The following TENM2 variants were observed in gnomAD, a reference collection of about 807,000 sequenced individuals.
TENM2 encodes teneurin transmembrane protein 2, also known as teneurin-2.
Under a neutral mutation model 245.2 loss-of-function variants are expected in TENM2, and 52 were observed. The ratio of observed to expected loss-of-function variants is 0.21; its 90% CI spans 0.17 to 0.27. TENM2 has a LOEUF of 0.27. TENM2 is among the 10% of genes least tolerant of loss of function. TENM2 has a pLI of 1.00. For synonymous variants in TENM2, 1,363 were observed against 1,438.9 expected, an observed-to-expected ratio of 0.95 and a Z score of 1.19; for missense variants, 3,046 against 3,666.8, an observed-to-expected ratio of 0.83 and a Z score of 4.37.
chr5:167,556,223 T>C (rs1029442507), intron 2 of TENM2, among the ~76,000 whole-genome samples: 3 of 152,152 alleles, frequency 2.0e-5, no homozygotes, highest in Non-Finnish European at 4.4e-5. Context: ...CAAGTTTCTA[T>C]TTCAGACTGG....
At chr5:167,258,241 ATG>A in the TENM2 span, among the ~76,000 whole-genome samples, 1 of 144,668 alleles carries the variant, frequency 6.9e-6, no homozygotes, top group African/African-American at 2.5e-5. Flanking sequence ...ATATATATAT[ATG>A]TATATATATA....
chr5:167,680,144 T>C (rs1405512600), intron 2 of TENM2, among the ~76,000 whole-genome samples: 2 of 152,054 alleles, frequency 1.3e-5, no homozygotes, highest in Admixed American at 6.6e-5. Flanking sequence ...AATTCATCGC[T>C]CCATCTTCCA....
chr5:167,122,025 T>A, the TENM2 span, among the ~76,000 whole-genome samples: 1 of 152,216 alleles, frequency 6.6e-6, no homozygotes, highest in African/African-American at 2.4e-5. Context: ...TATAGCTATT[T>A]TTTTTCCAGA....
At chr5:167,635,832 G>T (rs1779173742) in intron 2 of TENM2, among the ~76,000 whole-genome samples, 1 of 151,484 alleles carries the variant, frequency 6.6e-6, no homozygotes, top group South Asian at 2.1e-4. Context: ...TTTTAGTAGA[G>T]ACGGGGTTTC....
chr5:167,868,736 T>TA (rs11345222), intron 2 of TENM2, among the ~76,000 whole-genome samples: 62,081 of 123,286 alleles, frequency 0.5, 18,627 homozygotes, highest in Non-Finnish European at 0.67. Context: ...AGATTCTGTC[T>TA]AAAAAAAAAA....
At chr5:167,898,331 T>C (rs531269674) in intron 3 of TENM2, among the ~76,000 whole-genome samples, 66 of 152,220 alleles carry the variant, frequency 4.3e-4, no homozygotes, top group African/African-American at 1.6e-3. Flanking sequence ...AAAGCTGTGG[T>C]TTAACCAGCT....
chr5:167,613,291 G>A (rs1345008091), intron 2 of TENM2, among the ~76,000 whole-genome samples: 1 of 152,088 alleles, frequency 6.6e-6, no homozygotes, highest in Non-Finnish European at 1.5e-5. Flanking sequence ...TTACTATGAG[G>A]ATAATCTGCA....
chr5:168,093,588 G>A (rs1300263883), intron 8 of TENM2, among the ~76,000 whole-genome samples: 2 of 152,104 alleles, frequency 1.3e-5, no homozygotes, highest in Non-Finnish European at 2.9e-5. Flanking sequence ...TTTGACTCAG[G>A]GAAGTCTTTT....
chr5:168,062,386 T>C (rs2152096551), intron 7 of TENM2, 121 bp downstream of exon 9: 2 of 816,538 alleles, frequency 2.4e-6, no homozygotes, highest in Middle Eastern at 3.0e-4. Context: ...ACAATAAAAA[T>C]GTTGGCGAGA....
chr5:168,018,578 C>T (rs1785867246), intron 5 of TENM2, among the ~76,000 whole-genome samples: 1 of 151,704 alleles, frequency 6.6e-6, no homozygotes, highest in African/African-American at 2.4e-5. Flanking sequence ...CAGACTCCTG[C>T]CCAGGAAGTC....
At chr5:167,059,216 C>T in the TENM2 span, among the ~76,000 whole-genome samples, 5 of 152,178 alleles carry the variant, frequency 3.3e-5, no homozygotes, top group African/African-American at 1.2e-4. Flanking sequence ...ACAAAACTCA[C>T]TTTAATAAAA....
chr5:167,348,578 T>A (rs1758621750), intron 1 of TENM2, among the ~76,000 whole-genome samples: 1 of 152,186 alleles, frequency 6.6e-6, no homozygotes, highest in South Asian at 2.1e-4. Context: ...TTAATCAAAC[T>A]GTTTCAGTCT....
chr5:167,258,857 A>G, the TENM2 span, among the ~76,000 whole-genome samples: 4 of 152,280 alleles, frequency 2.6e-5, no homozygotes, highest in East Asian at 7.8e-4. Context: ...ATAATGCTAC[A>G]GTTCACAATG....
At chr5:167,871,964 A>C (rs2151349605) in intron 2 of TENM2, among the ~76,000 whole-genome samples, 1 of 152,224 alleles carries the variant, frequency 6.6e-6, no homozygotes, top group East Asian at 1.9e-4. Context: ...ATGTAGCATA[A>C]GTGAACAAAA....
chr5:167,582,437 A>T (rs1411726410), intron 2 of TENM2, among the ~76,000 whole-genome samples: 1 of 152,186 alleles, frequency 6.6e-6, no homozygotes, highest in Non-Finnish European at 1.5e-5. Flanking sequence ...TTATATACAC[A>T]CACATATAGT....
chr5:167,831,144 T>C (rs1283563480), intron 2 of TENM2, among the ~76,000 whole-genome samples: 1 of 152,082 alleles, frequency 6.6e-6, no homozygotes, highest in East Asian at 1.9e-4. Context: ...TTCTCCTCCT[T>C]CTTCTTCTTG....
At chr5:167,243,000 A>G in the TENM2 span, among the ~76,000 whole-genome samples, 2 of 152,106 alleles carry the variant, frequency 1.3e-5, no homozygotes, top group Non-Finnish European at 2.9e-5. Context: ...ATGGTTTGAC[A>G]TTTAACAGCA....
At chr5:167,522,276 G>A (rs1297483723) in intron 2 of TENM2, among the ~76,000 whole-genome samples, 1 of 152,076 alleles carries the variant, frequency 6.6e-6, no homozygotes, top group African/African-American at 2.4e-5. Flanking sequence ...TAGATTCAGG[G>A]CATGACAATA....
the TENM2 span, among the ~76,000 whole-genome samples, chr5:167,186,961 C>G: frequency 6.6e-6 from 1 of 152,206 alleles, no homozygotes; most frequent in South Asian, 2.1e-4. Flanking sequence ...TTCTGCTAAA[C>G]AAATCCTTGC....
Sources: allele counts gnomAD v4.1 joint callset (sites outside exome capture counted in the v4.1 genomes callset), GRCh38; gene constraint gnomAD v4.1.1; transcripts MANE v1.5; gene names NCBI Gene and HGNC (gene_info 2026-07-23, HGNC 2026-07-21).